Variants in TNRC6A observed in about 807,000 individuals in gnomAD.
TNRC6A encodes trinucleotide repeat-containing gene 6A protein.
Under a neutral mutation model 221.2 loss-of-function variants are expected in TNRC6A, and 44 were observed. The ratio of observed to expected loss-of-function variants is 0.20; its 90% confidence interval spans 0.16 to 0.26. TNRC6A has a LOEUF of 0.26. Among genes scored for constraint, TNRC6A ranks in the 10% least tolerant of loss-of-function variants. The pLI is 1.00. For synonymous variants in TNRC6A, 847 were observed against 838.5 expected, an observed-to-expected ratio of 1.01 and a Z score of -0.18; for missense variants, 2,199 against 2,404.4, an observed-to-expected ratio of 0.91 and a Z score of 1.79.
chr16:24,777,258 A>G lies in TNRC6A; in HGVS notation c.489A>G (p.Gly163=). ...TTCCTGTTATAGCAGCAAACCTTGGATCTGCTGTTAAGGTGTTAAACAGCC... is the reference window on the plus strand; with the variant it reads ...TTCCTGTTATAGCAGCAAACCTTGGGTCTGCTGTTAAGGTGTTAAACAGCC... ...QHFPVIAANL[G]SAVKVLNSQS... The change falls in exon 5 of 25, where the codon GGA becomes GGG. Residue 163 remains glycine (G), a synonymous_variant. Coordinates refer to ENST00000395799, the MANE Select transcript of TNRC6A (RefSeq NM_014494.4). 1 of 1,614,212 alleles carries G rather than the reference A, an allele frequency of 6.2e-7. No individual in the cohort carries two copies. The highest frequency in any genetic ancestry group is 8.5e-7 in the Non-Finnish European group (1 of 1,180,030).
At chr16:24,700,091 T>C (rs2055939886) in intron 2 of TNRC6A, among the ~76,000 whole-genome samples, 1 of 152,056 alleles carries the variant, frequency 6.6e-6, no homozygotes, top group Non-Finnish European at 1.5e-5. Context: ...TGGTAATAGC[T>C]GGGATCAAAA....
chr16:24,678,310 CAAAAAAA>C (rs35383022), intron 2 of TNRC6A, among the ~76,000 whole-genome samples: 2 of 84,660 alleles, frequency 2.4e-5, no homozygotes, highest in African/African-American at 7.6e-5. Flanking sequence ...GACCCTGTCT[CAAAAAAA>C]AAAAAAAAAA....
chr16:24,823,203 C>T lies in TNRC6A; in HGVS notation c.5513+190C>T, dbSNP rs899667467. On this transcript the variant is annotated intron_variant, in intron 24 of 24. Coordinates refer to ENST00000395799, the MANE Select transcript of TNRC6A (RefSeq NM_014494.4). The surrounding 1 kb of genome is among the most constrained non-coding windows in gnomAD (Gnocchi z 4.3). ...CTAGATGGCCCTAGAAAGTCCCTTA[C>T]GTTGCCCATGGCAGACAGAGGAAGT... 2.6e-5 allele frequency among the ~76,000 whole-genome samples: 4 copies of T among 152,232 alleles called. No homozygotes were observed. Among genetic ancestry groups the T allele is most frequent in the African/African-American group, 7.2e-5 (3 of 41,462 alleles).
intron 14 of TNRC6A, chr16:24,805,395 G>C: frequency 2.2e-6 from 2 of 900,328 alleles, no homozygotes; most frequent in Non-Finnish European, 3.3e-6. Flanking sequence ...AAGTAAAATT[G>C]ACTAGTTTAA....
At chr16:24,721,606 A>C (rs1234435099) in intron 2 of TNRC6A, among the ~76,000 whole-genome samples, 1 of 152,118 alleles carries the variant, frequency 6.6e-6, no homozygotes, top group Non-Finnish European at 1.5e-5. Flanking sequence ...AAAGAGTTTG[A>C]GATCAGCCCG....
intron 2 of TNRC6A, chr16:24,661,277 G>A (rs2055029188): frequency 6.6e-6 from 1 of 151,980 alleles, no homozygotes; most frequent in African/African-American, 2.4e-5. Flanking sequence ...ATATCACTGG[G>A]TAAGGTATGT....
In TNRC6A at chr16:24,774,912, A is replaced by G. The variant is rs373208836; in HGVS notation, c.164-2021A>G. On this transcript the variant is annotated intron_variant, in intron 4 of 24. Coordinates refer to ENST00000395799, the MANE Select transcript of TNRC6A (RefSeq NM_014494.4). ...CTCTAGATTACTTACAATACCAAAT[A>G]TAATGTAAATGCTGTGTAAATAATT... 3.9e-5 allele frequency among the ~76,000 whole-genome samples: 6 copies of G among 152,320 alleles called. No individual in the cohort carries two copies. The East Asian group carries it at 5.8e-4, about 15-fold the overall frequency.
At position 24,790,255 on chromosome 16, in the gene TNRC6A, A is replaced by G; in HGVS notation, c.1613A>G (p.Asn538Ser). 6.2e-7 allele frequency: 1 copy of G among 1,614,220 alleles called. No individual in the cohort carries two copies. The highest frequency in any genetic ancestry group is 8.5e-7 in the Non-Finnish European group (1 of 1,180,036). Residue 538 changes from asparagine (N) to serine (S), a missense_variant, in exon 6 of 25, where the codon AAT becomes AGT. Around this residue, in one of 8 missense-constraint regions of TNRC6A, gnomAD observed 1,405 missense variants for 1,400.2 expected, o/e 1.00. Transcript: ENST00000395799. Reference sequence around the variant, plus strand: ...TCTGGAGACAAATGTTCAGGCCCTAATGGCCAAGCTAATGGTGACACTGTG... The same window carrying G: ...TCTGGAGACAAATGTTCAGGCCCTAGTGGCCAAGCTAATGGTGACACTGTG... Reference protein sequence around the residue: ...NYSGDKCSGPNGQANGDTVNA... With the variant: ...NYSGDKCSGPSGQANGDTVNA...
chr16:24,675,324 T>C (rs908165874), intron 2 of TNRC6A, among the ~76,000 whole-genome samples: 2 of 152,154 alleles, frequency 1.3e-5, no homozygotes, highest in Admixed American at 1.3e-4. Flanking sequence ...TCTTAGATAG[T>C]ACGTGCCTGA....
At chr16:24,645,729 G>T (rs1902242951) in intron 2 of TNRC6A, among the ~76,000 whole-genome samples, 2 of 149,590 alleles carry the variant, frequency 1.3e-5, no homozygotes, top group African/African-American at 4.9e-5. Context: ...AGGCGCGGTG[G>T]CTCATGCCTG....
intron 1 of TNRC6A, among the ~76,000 whole-genome samples, chr16:24,621,083 C>CA (rs56266931): frequency 0.034 from 1,416 of 41,786 alleles, 74 homozygotes; most frequent in East Asian, 0.16. Context: ...GACGCCGTCT[C>CA]AAAAAAAAAA....
chr16:24,814,995 T>C (rs1315812635), intron 18 of TNRC6A, 152 bp from the exon 19 acceptor site: 5 of 786,746 alleles, frequency 6.4e-6, no homozygotes, highest in Non-Finnish European at 9.9e-6. Context: ...TCAAATGCGA[T>C]GTTAGAATCT....
At chr16:24,710,549 G>A (rs1385117915) in intron 2 of TNRC6A, among the ~76,000 whole-genome samples, 2 of 152,148 alleles carry the variant, frequency 1.3e-5, no homozygotes, top group African/African-American at 4.8e-5. Flanking sequence ...CAGGGCTAAT[G>A]CTGTGCTCTT....
rs994325492 is a variant in TNRC6A, at chr16:24,791,556, G to A, written c.2914G>A (p.Gly972Arg). The A allele has an allele frequency of 2.6e-5, 40 of 1,550,932 alleles. No homozygotes were observed. Among genetic ancestry groups the A allele is most frequent in the South Asian group, 5.1e-5 (4 of 78,540 alleles). Residue 972 changes from glycine to arginine, a missense_variant, in exon 6 of 25, where the codon GGG becomes AGG. Gly to Arg is a moderately radical substitution (Grantham distance 125). This residue lies in a region of TNRC6A where 1,405 missense variants were observed against 1,400.2 expected (regional missense o/e 1.00). Coordinates refer to ENST00000395799, the MANE Select transcript of TNRC6A (RefSeq NM_014494.4). ...TGKPPGTGWLGGPIPAPAKEE... is the reference protein window; with the variant it reads ...TGKPPGTGWLRGPIPAPAKEE... ...CAAACCTCCTGGTACAGGCTGGCTG[G>A]GGGGACCTATACCAGCCCCAGCAAA...
chr16:24,678,310 C>CAA (rs35383022), intron 2 of TNRC6A, among the ~76,000 whole-genome samples: 70 of 84,634 alleles, frequency 8.3e-4, no homozygotes, highest in Middle Eastern at 8.3e-3. Flanking sequence ...GACCCTGTCT[C>CAA]AAAAAAAAAA....
At chr16:24,730,354 T>A (rs962606952) in intron 2 of TNRC6A, 54 bp downstream of exon 2, 2 of 1,585,750 alleles carry the variant, frequency 1.3e-6, no homozygotes, top group South Asian at 1.1e-5. Context: ...ATATTTCTAC[T>A]CCGATTCGCC....
At chr16:24,627,166 G>T (rs1901062755) in intron 1 of TNRC6A, among the ~76,000 whole-genome samples, 1 of 151,980 alleles carries the variant, frequency 6.6e-6, no homozygotes, top group Admixed American at 6.6e-5. Flanking sequence ...AGCTTCTGTG[G>T]CTAACCCGAA....
In TNRC6A at chr16:24,790,405, G is replaced by T; in HGVS notation, c.1763G>T (p.Ser588Ile). Residue 588 changes from serine (S) to isoleucine (I), a missense_variant, in exon 6 of 25, where the codon AGT (serine) becomes ATT (isoleucine). This residue lies in a region of TNRC6A where 1,405 missense variants were observed against 1,400.2 expected (regional missense o/e 1.00). Transcript: ENST00000395799. ...AANSQSTSWG[S>I]GNGANSGGSR... The stretch of plus-strand genomic sequence containing the variant: ...AACTCCCAGAGTACATCATGGGGAA[G>T]TGGAAATGGCGCAAATTCTGGAGGA... The T allele has an allele frequency of 6.2e-7, 1 of 1,614,244 alleles. No homozygotes were observed. The highest frequency in any genetic ancestry group is 8.5e-7 in the Non-Finnish European group (1 of 1,180,032).
chr16:24,816,753 A>G, intron 19 of TNRC6A, 63 bp from the exon 20 acceptor site: 1 of 1,547,886 alleles, frequency 6.5e-7, no homozygotes, highest in Non-Finnish European at 8.7e-7. Context: ...GGTTTTGGAT[A>G]TTTATTAATG....
Sources: gnomAD v4.1 joint callset for allele counts (sites outside exome capture counted in the v4.1 genomes callset) on GRCh38, gnomAD v4.1.1 for gene constraint, gnomAD v4.1.1 regional missense constraint, Gnocchi (gnomAD v3.1) non-coding constraint, MANE v1.5 for transcripts, NCBI Gene and HGNC (gene_info 2026-07-23, HGNC 2026-07-21) for gene names.